EIF2B3: variants seen among roughly 807,000 people sequenced by gnomAD.
EIF2B3 encodes translation initiation factor eIF2B subunit gamma.
Under a neutral mutation model 54.1 loss-of-function variants are expected in EIF2B3, and 20 were observed. The ratio of observed to expected loss-of-function variants is 0.37; its 90% CI spans 0.26 to 0.54. The LOEUF (loss-of-function observed/expected upper bound fraction) is 0.54. EIF2B3 is among the 20% of genes least tolerant of loss of function. The pLI is 0.86. For missense variants in EIF2B3, 448 were observed against 547.8 expected, an observed-to-expected ratio of 0.82 and a Z score of 1.82; for synonymous variants, 153 against 188.1, an observed-to-expected ratio of 0.81 and a Z score of 1.52.
intron 3 of EIF2B3, among the ~76,000 whole-genome samples, chr1:44,964,469 A>C (rs897916789): frequency 2.6e-5 from 4 of 152,266 alleles, no homozygotes; most frequent in African/African-American, 7.2e-5. Context: ...AAGACATCAA[A>C]CACTCAACTG....
chr1:44,898,688 T>G (rs1006803628), intron 5 of EIF2B3, among the ~76,000 whole-genome samples: 1 of 152,164 alleles, frequency 6.6e-6, no homozygotes, highest in Non-Finnish European at 1.5e-5. Context: ...TTTTTATGTT[T>G]ACTTTTAGAG....
chr1:44,913,651 C>T (rs919149233), intron 5 of EIF2B3, among the ~76,000 whole-genome samples: 23 of 151,918 alleles, frequency 1.5e-4, no homozygotes, highest in Admixed American at 8.5e-4. Context: ...ACTACAGGCA[C>T]GCGTCACCAT....
intron 11 of EIF2B3, among the ~76,000 whole-genome samples, chr1:44,854,422 A>G (rs573676777): frequency 6.6e-6 from 1 of 152,060 alleles, no homozygotes; most frequent in South Asian, 2.1e-4. Context: ...TGGGGTGAGA[A>G]AAGTCAGAGT....
chr1:44,905,325 T>C (rs1410556812), intron 5 of EIF2B3, among the ~76,000 whole-genome samples: 3 of 152,218 alleles, frequency 2.0e-5, no homozygotes, highest in Admixed American at 6.5e-5. Context: ...GAGTTCCAAG[T>C]TCTGCTCCAG....
chr1:44,853,162 A>G (rs1181405423), intron 11 of EIF2B3, among the ~76,000 whole-genome samples: 1 of 152,150 alleles, frequency 6.6e-6, no homozygotes, highest in East Asian at 1.9e-4. Flanking sequence ...AGCTATAGAA[A>G]ACTTTCAAGG....
In EIF2B3 at chr1:44,854,250, G is replaced by A. The variant is rs537603498; in HGVS notation, c.1307-3247C>T. Among the ~76,000 whole-genome samples the A allele has an allele frequency of 9.2e-5, 14 of 152,096 alleles. No individual in the cohort carries two copies. The East Asian group carries it at 1.7e-3, about 19-fold the overall frequency. On this transcript the variant is annotated intron_variant, in intron 11 of 11. Coordinates refer to ENST00000360403, the MANE Select transcript of EIF2B3 (RefSeq NM_020365.5). ...ACTCTTGACCTCAAGTGATCCACTC[G>A]CCTTGGTCTCCCAAAGTGCTGGGAT...
chr1:44,913,831 A>T (rs1035817228), intron 5 of EIF2B3, among the ~76,000 whole-genome samples: 2 of 139,046 alleles, frequency 1.4e-5, no homozygotes, highest in Admixed American at 7.4e-5. Flanking sequence ...TAAATTGGGA[A>T]TTTTTTTTTT....
chr1:44,899,391 AC>A (rs1480892567), intron 5 of EIF2B3, among the ~76,000 whole-genome samples: 1 of 152,234 alleles, frequency 6.6e-6, no homozygotes, highest in Non-Finnish European at 1.5e-5. Flanking sequence ...CTGTAAACAG[AC>A]AACCTACAGA....
intron 4 of EIF2B3, among the ~76,000 whole-genome samples, chr1:44,936,809 T>C (rs1014845825): frequency 2.6e-5 from 4 of 152,210 alleles, no homozygotes; most frequent in Non-Finnish European, 5.9e-5. Flanking sequence ...AGTACCAAAT[T>C]ACAATAGTAA....
chr1:44,950,306 C>T (rs891633094), intron 3 of EIF2B3, among the ~76,000 whole-genome samples: 1 of 152,110 alleles, frequency 6.6e-6, no homozygotes, highest in Non-Finnish European at 1.5e-5. Context: ...TGCCTGTAGT[C>T]CCAGCTACTT....
intron 5 of EIF2B3, among the ~76,000 whole-genome samples, chr1:44,921,813 G>C (rs1304517884): frequency 6.6e-6 from 1 of 151,832 alleles, no homozygotes; most frequent in Admixed American, 6.6e-5. Context: ...TTTGAAGTCA[G>C]GTAATATGAT....
chr1:44,891,002 T>C (rs2148911323), intron 6 of EIF2B3, among the ~76,000 whole-genome samples: 1 of 152,342 alleles, frequency 6.6e-6, no homozygotes, highest in Non-Finnish European at 1.5e-5. Flanking sequence ...TTTGCCTGGA[T>C]TCCTGTACCT....
At chr1:44,912,967 C>T (rs911456912) in intron 5 of EIF2B3, among the ~76,000 whole-genome samples, 11 of 152,096 alleles carry the variant, frequency 7.2e-5, no homozygotes, top group South Asian at 2.1e-4. Context: ...TAACTAGATA[C>T]ATTGAACAAA....
intron 10 of EIF2B3, among the ~76,000 whole-genome samples, chr1:44,872,368 A>G (rs562774606): frequency 6.6e-6 from 1 of 151,320 alleles, no homozygotes; most frequent in African/African-American, 2.4e-5. Context: ...ACCTCTGGCC[A>G]GGTGCAGTGG....
At chr1:44,914,188 T>C (rs965899945) in intron 5 of EIF2B3, among the ~76,000 whole-genome samples, 2 of 150,520 alleles carry the variant, frequency 1.3e-5, no homozygotes, top group African/African-American at 4.9e-5. Flanking sequence ...GAGGCAGAGT[T>C]CCACTCTTGT....
Position 44,865,916 on chromosome 1 carries a change from C to G in EIF2B3, c.1203-8109G>C, listed in dbSNP as rs543146438. ...TTTTTATTTATTTATTTTTTTCTCC[C>G]TCTCTATAATCATGTACAATATTTT... On this transcript the variant is annotated intron_variant, in intron 10 of 11. Transcript: ENST00000360403. 5.3e-5 allele frequency among the ~76,000 whole-genome samples: 8 copies of G among 152,002 alleles called. No homozygotes were observed. In the East Asian group the frequency reaches 1.4e-3, roughly 26 times the overall value.
intron 6 of EIF2B3, among the ~76,000 whole-genome samples, chr1:44,892,348 G>A (rs566720669): frequency 6.6e-6 from 1 of 152,224 alleles, no homozygotes; most frequent in Admixed American, 6.5e-5. Context: ...GGGAGGCCTA[G>A]GTGGGAGGAT....
At chr1:44,967,609 A>G (rs1337017682) in intron 3 of EIF2B3, among the ~76,000 whole-genome samples, 3 of 150,630 alleles carry the variant, frequency 2.0e-5, no homozygotes, top group East Asian at 2.0e-4. Flanking sequence ...GTGTGGTGGC[A>G]CATGCCTGTA....
intron 3 of EIF2B3, among the ~76,000 whole-genome samples, chr1:44,974,492 A>G (rs1400123745): frequency 6.6e-6 from 1 of 151,150 alleles, no homozygotes; most frequent in Non-Finnish European, 1.5e-5. Flanking sequence ...AAAAAAGAAA[A>G]AAAAAGAAAT....
Sources: allele counts gnomAD v4.1 joint callset (sites outside exome capture counted in the v4.1 genomes callset), GRCh38; gene constraint gnomAD v4.1.1; transcripts MANE v1.5; gene names NCBI Gene and HGNC (gene_info 2026-07-23, HGNC 2026-07-21).